The following SMIM14 variants were observed in gnomAD, a reference collection of about 807,000 sequenced individuals.
SMIM14 encodes small integral membrane protein 14.
In SMIM14, 5 loss-of-function variants were observed where a neutral mutation model predicts 12.6. The ratio of observed to expected loss-of-function variants is 0.40; its 90% CI spans 0.21 to 0.83. SMIM14 has a LOEUF of 0.83. Ranked by LOEUF, SMIM14 falls within the 40% of genes least tolerant of loss-of-function variation. The pLI, the probability that SMIM14 is intolerant of heterozygous loss-of-function variation, is 0.37. For synonymous variants in SMIM14, 30 were observed against 40.1 expected (o/e 0.75, Z 0.95); for missense variants, 86 against 119.1 (o/e 0.72, Z 1.29).
chr4:39,627,038 A>T (rs2109253135), intron 1 of SMIM14, among the ~76,000 whole-genome samples: 1 of 152,308 alleles, frequency 6.6e-6, no homozygotes, highest in Non-Finnish European at 1.5e-5. Flanking sequence ...AGATCAAGGC[A>T]CTGGTAGATT....
chr4:39,638,321 T>A (rs1052495995), intron 1 of SMIM14: 1 of 326,446 alleles, frequency 3.1e-6, no homozygotes, highest in Non-Finnish European at 4.4e-6. Context: ...GACTTCACCG[T>A]ACCCAGAAAG....
intron 1 of SMIM14, chr4:39,638,519 ACCCAAT>A (rs1716191462): frequency 2.0e-6 from 2 of 985,404 alleles, no homozygotes; most frequent in Non-Finnish European, 2.4e-6. Context: ...TGCAGAGAAT[ACCCAAT>A]TGCAGGCTCT....
At chr4:39,587,574 C>T (rs906094692) in intron 2 of SMIM14, among the ~76,000 whole-genome samples, 2 of 149,810 alleles carry the variant, frequency 1.3e-5, no homozygotes, top group African/African-American at 5.0e-5. Context: ...GAATTAAAGC[C>T]AAACATGCTC....
intron 2 of SMIM14, among the ~76,000 whole-genome samples, chr4:39,604,494 A>G (rs1714730837): frequency 6.6e-6 from 1 of 152,018 alleles, no homozygotes; most frequent in South Asian, 2.1e-4. Flanking sequence ...CCGAGATAGC[A>G]CCACTACACT....
intron 2 of SMIM14, chr4:39,592,823 G>A (rs1183707690): frequency 1.3e-5 from 2 of 152,106 alleles, no homozygotes; most frequent in Non-Finnish European, 2.9e-5. Context: ...TAAATTCCTC[G>A]ACACATACAC....
intron 1 of SMIM14, among the ~76,000 whole-genome samples, chr4:39,614,146 T>C (rs1011894725): frequency 7.1e-5 from 10 of 141,032 alleles, no homozygotes; most frequent in South Asian, 2.2e-4. Flanking sequence ...GATGGCACCA[T>C]TGCACTCCAG....
chr4:39,563,911 T>C (rs1410231868), intron 3 of SMIM14, among the ~76,000 whole-genome samples: 1 of 151,680 alleles, frequency 6.6e-6, no homozygotes, highest in East Asian at 1.9e-4. Flanking sequence ...TCCCCTTCTC[T>C]TCCTCTTCTT....
intron 1 of SMIM14, among the ~76,000 whole-genome samples, chr4:39,622,858 A>G (rs1294981455): frequency 5.3e-5 from 8 of 152,234 alleles, no homozygotes; most frequent in Non-Finnish European, 1.0e-4. Flanking sequence ...ATTAACTTTT[A>G]TAATCAGGAA....
In SMIM14 at chr4:39,558,934, T is replaced by C. The variant is rs1467006904; in HGVS notation, c.125-2364A>G. ...CATGTTGGCCAGGCTGGTCTCAAAC[T>C]CCTGACCTCGTGATCTGCCTGCTTC... On this transcript the variant is annotated intron_variant, in intron 3 of 4. Transcript: ENST00000295958. The surrounding 1 kb of genome is among the most constrained non-coding windows in gnomAD (Gnocchi z 4.3). Among the ~76,000 whole-genome samples the C allele has an allele frequency of 6.6e-6, 1 of 152,018 alleles. No homozygotes were observed. The highest frequency in any genetic ancestry group is 2.4e-5 in the African/African-American group (1 of 41,382).
intron 2 of SMIM14, among the ~76,000 whole-genome samples, chr4:39,596,234 T>C (rs1484203915): frequency 6.6e-6 from 1 of 152,180 alleles, no homozygotes; most frequent in Non-Finnish European, 1.5e-5. Context: ...TAGCTGGGAT[T>C]ACAGGCATGT....
At chr4:39,624,127 A>G (rs986843270) in intron 1 of SMIM14, among the ~76,000 whole-genome samples, 2 of 152,220 alleles carry the variant, frequency 1.3e-5, no homozygotes, top group Non-Finnish European at 2.9e-5. Context: ...AAGTCTCAGT[A>G]TAATGAGGTG....
intron 1 of SMIM14, among the ~76,000 whole-genome samples, chr4:39,619,868 A>ATT (rs1715408278): frequency 2.5e-5 from 2 of 78,602 alleles, no homozygotes; most frequent in African/African-American, 1.1e-4. Context: ...ATTTATATAT[A>ATT]TATATATATT....
At chr4:39,553,783 G>A (rs1052640714) in intron 4 of SMIM14, among the ~76,000 whole-genome samples, 7 of 151,526 alleles carry the variant, frequency 4.6e-5, no homozygotes, top group Admixed American at 1.3e-4. Flanking sequence ...TAATAGAGAC[G>A]GAGTTTGGTT....
intron 2 of SMIM14, chr4:39,592,684 G>C (rs1714164766): frequency 6.6e-6 from 1 of 151,660 alleles, no homozygotes; most frequent in Non-Finnish European, 1.5e-5. Context: ...AAAGAGAGAA[G>C]AATCAAATAG....
chr4:39,595,179 A>T (rs1446832218), intron 2 of SMIM14, among the ~76,000 whole-genome samples: 1 of 149,080 alleles, frequency 6.7e-6, no homozygotes, highest in Non-Finnish European at 1.5e-5. Context: ...GATAGACTGG[A>T]TTAAGAAAAC....
chr4:39,588,280 G>A (rs1038797017), intron 2 of SMIM14, among the ~76,000 whole-genome samples: 4 of 152,124 alleles, frequency 2.6e-5, no homozygotes, highest in Non-Finnish European at 5.9e-5. Flanking sequence ...GGTGGCTCAC[G>A]CCTGTAATCC....
chr4:39,576,617 A>ACC (rs1713177345), intron 2 of SMIM14, among the ~76,000 whole-genome samples: 2 of 139,028 alleles, frequency 1.4e-5, no homozygotes, highest in African/African-American at 5.2e-5. Flanking sequence ...CAACTCTAAG[A>ACC]CCTACCAATG....
intron 2 of SMIM14, among the ~76,000 whole-genome samples, chr4:39,597,084 C>CTTTTTT (rs1436675514): frequency 4.5e-5 from 6 of 133,256 alleles, no homozygotes; most frequent in African/African-American, 1.7e-4. Flanking sequence ...CCCAGGTTTC[C>CTTTTTT]CTTTTTTTTT....
At chr4:39,552,714 G>A (rs1711780350) in intron 4 of SMIM14, among the ~76,000 whole-genome samples, 1 of 152,132 alleles carries the variant, frequency 6.6e-6, no homozygotes, top group African/African-American at 2.4e-5. Context: ...TGACACTGTT[G>A]AAACTTTCTT....
Sources: gnomAD v4.1 joint callset for allele counts (sites outside exome capture counted in the v4.1 genomes callset) on GRCh38, gnomAD v4.1.1 for gene constraint, Gnocchi (gnomAD v3.1) non-coding constraint, MANE v1.5 for transcripts, NCBI Gene and HGNC (gene_info 2026-07-23, HGNC 2026-07-21) for gene names.